Variants in FAM149B1 observed in about 807,000 individuals in gnomAD.
The protein encoded by FAM149B1 is family with sequence similarity 149 member B1, also known as primary cilium assembly protein FAM149B1.
FAM149B1 carries 56 observed loss-of-function variants against 75.3 expected under a neutral mutation model. The ratio of observed to expected loss-of-function variants is 0.74; its 90% CI spans 0.60 to 0.93. The LOEUF (loss-of-function observed/expected upper bound fraction) is 0.93, where lower values mean the gene tolerates loss of function less well. Ranked by LOEUF, FAM149B1 falls within the 40% of genes least tolerant of loss-of-function variation. The pLI, the probability that FAM149B1 is intolerant of heterozygous loss-of-function variation, is 0.00. For synonymous variants in FAM149B1, 259 were observed against 256.1 expected (o/e 1.01, Z -0.11); for missense variants, 639 against 708.4 (o/e 0.90, Z 1.11).
chr10:73,201,798 A>G (rs2042944263), intron 5 of FAM149B1, among the ~76,000 whole-genome samples: 1 of 152,202 alleles, frequency 6.6e-6, no homozygotes, highest in Non-Finnish European at 1.5e-5. Context: ...AATTCCCAGT[A>G]AAATTGCCAT....
At chr10:73,188,299 T>C (rs915615182) in intron 3 of FAM149B1, among the ~76,000 whole-genome samples, 1 of 152,096 alleles carries the variant, frequency 6.6e-6, no homozygotes, top group Non-Finnish European at 1.5e-5. Context: ...TGAATTCACA[T>C]CATATAAAAA....
chr10:73,175,458 AG>A (rs1843912069), intron 2 of FAM149B1, among the ~76,000 whole-genome samples: 1 of 152,264 alleles, frequency 6.6e-6, no homozygotes, highest in South Asian at 2.1e-4. Context: ...TCACGAGGTC[AG>A]GAGATCGAAA....
intron 7 of FAM149B1, among the ~76,000 whole-genome samples, chr10:73,223,723 ATG>A (rs2043470280): frequency 7.1e-6 from 1 of 141,726 alleles, no homozygotes; most frequent in South Asian, 2.3e-4. Context: ...ACTATGTTGT[ATG>A]TGTGTTAGGT....
intron 6 of FAM149B1, 79 bp downstream of exon 6, chr10:73,208,865 CA>C: frequency 1.2e-6 from 1 of 858,284 alleles, no homozygotes; most frequent in Non-Finnish European, 1.6e-6. Flanking sequence ...ATGATGCTAC[CA>C]ATGTATATTA....
chr10:73,236,539 G>A (rs1290463295), intron 12 of FAM149B1, among the ~76,000 whole-genome samples: 1 of 150,274 alleles, frequency 6.7e-6, no homozygotes, highest in Non-Finnish European at 1.5e-5. Context: ...TCAGCCTCCC[G>A]AATAGCTGGG....
rs576059466 is a variant in FAM149B1 at position 73,175,306 on chromosome 10, G to A, written c.152+515G>A. Among the ~76,000 whole-genome samples the A allele has an allele frequency of 2.6e-5, 4 of 152,324 alleles. No homozygotes were observed. In the East Asian group the frequency reaches 7.7e-4, roughly 29 times the overall value. On this transcript the variant is annotated intron_variant, in intron 2 of 13. Transcript: ENST00000242505. ...GATTGCTTGAGCCCAGAAGGTCAAG[G>A]CTGCAGTAAGCTGTGTTTACACCAC...
At chr10:73,212,717 CACAA>C (rs764536254) in intron 7 of FAM149B1, among the ~76,000 whole-genome samples, 4 of 152,278 alleles carry the variant, frequency 2.6e-5, no homozygotes, top group South Asian at 4.1e-4. Context: ...TTTACTTTCC[CACAA>C]ACAGTTTATA....
intron 11 of FAM149B1, 45 bp from the exon 12 acceptor site, chr10:73,235,148 T>C: frequency 6.5e-7 from 1 of 1,546,062 alleles, no homozygotes; most frequent in Non-Finnish European, 8.8e-7. Context: ...CATACCACAT[T>C]ACAGATAGTT....
intron 7 of FAM149B1, among the ~76,000 whole-genome samples, chr10:73,222,966 A>G (rs2043452085): frequency 6.6e-6 from 1 of 152,204 alleles, no homozygotes; most frequent in Non-Finnish European, 1.5e-5. Context: ...AAAAGTAAAA[A>G]TAATTAGCCA....
In FAM149B1 at chr10:73,233,057, A is replaced by C. The variant is rs1589193380; in HGVS notation, c.1246A>C (p.Thr416Pro). The change falls in exon 10 of 14, where the codon ACC becomes CCC. Residue 416 changes from threonine to proline, a missense_variant. Physicochemically the swap from Thr to Pro is conservative, Grantham distance 38. Coordinates refer to ENST00000242505, the MANE Select transcript of FAM149B1 (RefSeq NM_173348.2). ...TSSLSYTVQS[T>P]RRRNPPPRTL... is the part of the protein sequence containing the mutation. ...ATCTCTGTCATACACAGTGCAGTCCACCAGGAGACGCAATCCACCACCACG... is the reference window on the plus strand; with the variant it reads ...ATCTCTGTCATACACAGTGCAGTCCCCCAGGAGACGCAATCCACCACCACG... 1 of 1,551,590 alleles carries C rather than the reference A, an allele frequency of 6.4e-7. No individual in the cohort carries two copies. Among genetic ancestry groups the C allele is most frequent in the South Asian group, 1.2e-5 (1 of 84,064 alleles).
At chr10:73,205,803 C>T (rs2043042056) in intron 5 of FAM149B1, among the ~76,000 whole-genome samples, 1 of 152,204 alleles carries the variant, frequency 6.6e-6, no homozygotes, top group Admixed American at 6.5e-5. Context: ...CCGCCTGCCT[C>T]AGCCTCCCAA....
chr10:73,232,946 G>A lies in FAM149B1; in HGVS notation c.1135G>A (p.Asp379Asn). The A allele has an allele frequency of 6.5e-7, 1 of 1,545,276 alleles. No homozygotes were observed. The highest frequency in any genetic ancestry group is 8.8e-7 in the Non-Finnish European group (1 of 1,140,802). Residue 379 changes from aspartate to asparagine, a missense_variant, in exon 10 of 14, where the codon GAT becomes AAT. Physicochemically the swap from Asp to Asn is conservative, Grantham distance 23 (BLOSUM62 1). Coordinates refer to ENST00000242505, the MANE Select transcript of FAM149B1 (RefSeq NM_173348.2). The stretch of plus-strand genomic sequence containing the variant: ...TTCTGATTTGGCTACTAGAGATCTT[G>A]ATGACAAGCTACTTATGAGGCCTGG... ...LSLMDKLLDL[D>N]DKLLMRPGSS...
At chr10:73,189,862 C>T (rs976250787) in intron 3 of FAM149B1, among the ~76,000 whole-genome samples, 1 of 152,070 alleles carries the variant, frequency 6.6e-6, no homozygotes, top group Non-Finnish European at 1.5e-5. Flanking sequence ...GTAAGTTATT[C>T]CTCAGTAAAG....
At chr10:73,216,513 A>G (rs1325116109) in intron 7 of FAM149B1, among the ~76,000 whole-genome samples, 1 of 152,312 alleles carries the variant, frequency 6.6e-6, no homozygotes, top group East Asian at 1.9e-4. Context: ...ATGAAATTGC[A>G]GCATTAAACT....
rs57783137 is a variant in FAM149B1, at chr10:73,212,865, T to TTCTCTCTCTCTCTCTC, written c.898+2440_898+2441insCTCTCTCTCTCTCTCT. Among the ~76,000 whole-genome samples, 96 of 150,908 alleles carry TTCTCTCTCTCTCTCTC rather than the reference T, an allele frequency of 6.4e-4. 1 individual carries two copies. Among genetic ancestry groups the TTCTCTCTCTCTCTCTC allele is most frequent in the South Asian group, 5.3e-3 (25 of 4,756 alleles). On this transcript the variant is annotated intron_variant, in intron 7 of 13. Transcript: ENST00000242505. ...TCTCACTCTCTCTCTCTCTCTGTGT[T>TTCTCTCTCTCTCTCTC]TCTCTCTCTCTCTGTCACCCAGGCT... is the stretch of plus-strand genomic sequence containing the variant.
chr10:73,189,035 A>ATAAG (rs1035521717), intron 3 of FAM149B1, among the ~76,000 whole-genome samples: 2 of 152,080 alleles, frequency 1.3e-5, no homozygotes, highest in Non-Finnish European at 1.5e-5. Flanking sequence ...TCTCTAAAAA[A>ATAAG]TAATTAATTA....
intron 12 of FAM149B1, among the ~76,000 whole-genome samples, chr10:73,236,207 A>G (rs2043817603): frequency 6.7e-6 from 1 of 149,036 alleles, no homozygotes; most frequent in South Asian, 2.2e-4. Flanking sequence ...GGCTTAAGAA[A>G]TGACCAAACA....
intron 1 of FAM149B1, among the ~76,000 whole-genome samples, chr10:73,172,223 T>C (rs7905500): frequency 0.056 from 8,464 of 152,288 alleles, 745 homozygotes; most frequent in African/African-American, 0.19. Flanking sequence ...GTAGGACCAC[T>C]GAATGAGAGA....
At chr10:73,209,167 G>T (rs1413795712) in intron 6 of FAM149B1, among the ~76,000 whole-genome samples, 2 of 152,144 alleles carry the variant, frequency 1.3e-5, no homozygotes, top group African/African-American at 2.4e-5. Context: ...TGTATATACA[G>T]GCTGGGCGCG....
Sources: gnomAD v4.1 joint callset for allele counts (sites outside exome capture counted in the v4.1 genomes callset) on GRCh38, gnomAD v4.1.1 for gene constraint, MANE v1.5 for transcripts, NCBI Gene and HGNC (gene_info 2026-07-23, HGNC 2026-07-21) for gene names.